The following CAND1 variants were observed in gnomAD, a reference collection of about 807,000 sequenced individuals.
CAND1 encodes the protein cullin associated and neddylation dissociated 1, also known as cullin-associated NEDD8-dissociated protein 1.
A neutral mutation model predicts 108.5 loss-of-function variants in CAND1; 7 were observed. The observed-to-expected ratio is 0.06, with a 90% CI of 0.04 to 0.12. The LOEUF (loss-of-function observed/expected upper bound fraction) is 0.12, where lower values mean the gene tolerates loss of function less well. CAND1 is among the 10% of genes least tolerant of loss of function. CAND1 has a pLI of 1.00. For missense variants in CAND1, 941 were observed against 1,448.7 expected (o/e 0.65, Z 5.69); for synonymous variants, 534 against 512.0 (o/e 1.04, Z -0.58).
rs2044972793 is a variant in CAND1 at position 67,313,308 on chromosome 12, A to G, written c.*478A>G. ...AATTGATTTTTAGCTGGCAGACAAGAATATCCATATAAGATTTGTTAACCA... is the reference window on the plus strand; with the variant it reads ...AATTGATTTTTAGCTGGCAGACAAGGATATCCATATAAGATTTGTTAACCA... On this transcript the variant is annotated 3_prime_UTR_variant, in exon 15 of 15. Transcript: ENST00000545606. 1 of 152,616 alleles carries G rather than the reference A, an allele frequency of 6.6e-6. No homozygotes were observed. The highest frequency in any genetic ancestry group is 1.5e-5 in the Non-Finnish European group (1 of 68,096). The allele number at this position is 152,616 out of a possible 1,614,324, so 9.5% of individuals were successfully genotyped here.
At chr12:67,299,204 A>ATTTAGTTAT in intron 7 of CAND1, 109 bp downstream of exon 7, 1 of 1,063,238 alleles carries the variant, frequency 9.4e-7, no homozygotes, top group Non-Finnish European at 1.3e-6. Flanking sequence ...ATAATAGTGA[A>ATTTAGTTAT]AAGGGAAATG....
At chr12:67,273,479 C>CTTTT (rs535435592) in intron 1 of CAND1, among the ~76,000 whole-genome samples, 2 of 130,626 alleles carry the variant, frequency 1.5e-5, no homozygotes, top group Non-Finnish European at 3.2e-5. Flanking sequence ...AAGTTCTTTT[C>CTTTT]TTTTTTTTTT....
intron 2 of CAND1, 166 bp downstream of exon 2, chr12:67,282,219 T>G (rs796122332): frequency 1.6e-6 from 1 of 616,230 alleles, no homozygotes; most frequent in East Asian, 3.1e-5. Flanking sequence ...ATGGTATATA[T>G]AGTGTATTTC....
At position 67,310,243 on chromosome 12, in the gene CAND1, G is replaced by A; in HGVS notation, c.3287G>A (p.Cys1096Tyr). ...TGTATGTACACACTTCTAGACAGTTGTCTTGATAGACTTGATATCTTTGAA... is the reference window on the plus strand; with the variant it reads ...TGTATGTACACACTTCTAGACAGTTATCTTGATAGACTTGATATCTTTGAA... ...FECMYTLLDSCLDRLDIFEFL... is the reference protein window; with the variant it reads ...FECMYTLLDSYLDRLDIFEFL... The change falls in exon 13 of 15, where the codon TGT becomes TAT. Residue 1096 changes from cysteine (C) to tyrosine (Y), a missense_variant. Transcript: ENST00000545606. 1 of 1,611,896 alleles carries A rather than the reference G, an allele frequency of 6.2e-7. No homozygotes were observed. The highest frequency in any genetic ancestry group is 8.5e-7 in the Non-Finnish European group (1 of 1,178,296).
rs1300822729 is a variant in CAND1 at position 67,288,738 on chromosome 12, C to G, written c.213-3884C>G. Among the ~76,000 whole-genome samples the G allele has an allele frequency of 3.3e-5, 5 of 152,150 alleles. No homozygotes were observed. The East Asian group carries it at 9.6e-4, about 29-fold the overall frequency. ...AGTCAGTCAGAGATGGAACATTACA[C>G]AAGAGCAAACATCAGGGTTGGTGAG... On this transcript the variant is annotated intron_variant, in intron 2 of 14. Transcript: ENST00000545606.
intron 1 of CAND1, among the ~76,000 whole-genome samples, chr12:67,278,821 C>G (rs1268402396): frequency 6.6e-6 from 1 of 152,198 alleles, no homozygotes; most frequent in East Asian, 1.9e-4. Flanking sequence ...CACCTGGCCC[C>G]ATAGTGTTTT....
chr12:67,275,360 C>A (rs2044559194), intron 1 of CAND1, among the ~76,000 whole-genome samples: 1 of 152,062 alleles, frequency 6.6e-6, no homozygotes, highest in Non-Finnish European at 1.5e-5. Flanking sequence ...AACCCCATCT[C>A]TACTAAAAAT....
At chr12:67,299,769 GT>G (rs1283991278) in intron 7 of CAND1, among the ~76,000 whole-genome samples, 1 of 152,084 alleles carries the variant, frequency 6.6e-6, no homozygotes, top group Non-Finnish European at 1.5e-5. Context: ...CATGTCAGTT[GT>G]TTCTGTTTGT....
chr12:67,269,814 C>T (rs777892037), intron 1 of CAND1, 29 bp downstream of exon 1: 4 of 1,579,118 alleles, frequency 2.5e-6, no homozygotes, highest in Admixed American at 3.5e-5. Context: ...CCTCACCCCA[C>T]CTCGGGGTTC....
chr12:67,298,271 A>AT (rs55874281), intron 6 of CAND1, among the ~76,000 whole-genome samples: 1 of 152,138 alleles, frequency 6.6e-6, no homozygotes, highest in Non-Finnish European at 1.5e-5. Flanking sequence ...ATTCTAATAT[A>AT]TTTTTTAAAA....
intron 11 of CAND1, 23 bp downstream of exon 11, chr12:67,307,515 A>G (rs1278143043): frequency 1.3e-6 from 2 of 1,511,346 alleles, no homozygotes; most frequent in Non-Finnish European, 1.8e-6. Flanking sequence ...AAAGATAAAC[A>G]TACTGATTTT....
At chr12:67,276,714 A>C (rs948348753) in intron 1 of CAND1, among the ~76,000 whole-genome samples, 2 of 152,214 alleles carry the variant, frequency 1.3e-5, no homozygotes, top group Non-Finnish European at 2.9e-5. Context: ...GTTTATGTCC[A>C]AGAAAACAAT....
intron 2 of CAND1, 39 bp downstream of exon 2, chr12:67,282,092 C>T: frequency 1.9e-6 from 3 of 1,600,536 alleles, no homozygotes; most frequent in Non-Finnish European, 2.6e-6. Flanking sequence ...TCTTCCTGCT[C>T]CCCCAACCCT....
At chr12:67,299,551 T>C (rs183174059) in intron 7 of CAND1, among the ~76,000 whole-genome samples, 90 of 152,300 alleles carry the variant, frequency 5.9e-4, no homozygotes, top group Admixed American at 5.8e-3. Context: ...TCTGTAGATA[T>C]ACATATTTAG....
rs1331566512 is a variant in CAND1, at chr12:67,297,646, A to G, written c.731A>G (p.Gln244Arg). Residue 244 changes from glutamine to arginine, a missense_variant, in exon 5 of 15, where the codon CAA (glutamine) becomes CGA (arginine). Around this residue, in one of 9 missense-constraint regions of CAND1, gnomAD observed 697 missense variants for 942.0 expected, o/e 0.74. Coordinates refer to ENST00000545606, the MANE Select transcript of CAND1 (RefSeq NM_018448.5). ...CAATGTATTGCTGCTATTAGTAGGC[A>G]AGCTGGTCATAGAATAGGTAAGAAA... ...YIQCIAAISR[Q>R]AGHRIGEYLE... 3 of 1,612,550 alleles carry G rather than the reference A, an allele frequency of 1.9e-6. No homozygotes were observed. The highest frequency in any genetic ancestry group is 2.7e-5 in the African/African-American group (2 of 74,876).
intron 2 of CAND1, among the ~76,000 whole-genome samples, chr12:67,283,766 C>T (rs1460774314): frequency 1.3e-5 from 2 of 151,832 alleles, no homozygotes; most frequent in Admixed American, 6.6e-5. Context: ...AATCTTTGTC[C>T]CATATTGAGA....
At chr12:67,283,962 A>G (rs1431088200) in intron 2 of CAND1, among the ~76,000 whole-genome samples, 2 of 152,210 alleles carry the variant, frequency 1.3e-5, no homozygotes, top group Non-Finnish European at 2.9e-5. Flanking sequence ...ATGATAGTAA[A>G]TAATCTAAGA....
intron 3 of CAND1, chr12:67,294,826 T>G (rs2044754102): frequency 5.8e-6 from 2 of 344,006 alleles, no homozygotes; most frequent in South Asian, 6.8e-5. Flanking sequence ...GGTGTGGAGT[T>G]GTTAAATATT....
intron 9 of CAND1, among the ~76,000 whole-genome samples, 154 bp from the exon 10 acceptor site, chr12:67,304,944 AAATATT>A (rs2136016589): frequency 6.6e-6 from 1 of 152,314 alleles, no homozygotes; most frequent in Non-Finnish European, 1.5e-5. Flanking sequence ...TCTCACCCTA[AAATATT>A]TGGCTGTAAT....
Sources: allele counts gnomAD v4.1 joint callset (sites outside exome capture counted in the v4.1 genomes callset), GRCh38; gene constraint gnomAD v4.1.1; regional missense constraint gnomAD v4.1.1; transcripts MANE v1.5; gene names NCBI Gene and HGNC (gene_info 2026-07-23, HGNC 2026-07-21).